PRKCA: variants seen among roughly 807,000 people sequenced by gnomAD.
PRKCA encodes the protein protein kinase C alpha type.
Under a neutral mutation model 87.0 loss-of-function variants are expected in PRKCA, and 27 were observed. The observed-to-expected ratio is 0.31, with a 90% CI of 0.23 to 0.43. The LOEUF (loss-of-function observed/expected upper bound fraction) is 0.43. Ranked by LOEUF, PRKCA falls within the 20% of genes least tolerant of loss-of-function variation. The pLI is 1.00. For synonymous variants in PRKCA, 329 were observed against 311.1 expected, an observed-to-expected ratio of 1.06 and a Z score of -0.61; for missense variants, 518 against 852.3, an observed-to-expected ratio of 0.61 and a Z score of 4.88.
intron 13 of PRKCA, among the ~76,000 whole-genome samples, chr17:66,751,382 C>A (rs960109138): frequency 6.6e-6 from 1 of 152,210 alleles, no homozygotes; most frequent in African/African-American, 2.4e-5. Context: ...CCGCCAGCCT[C>A]AGAGCACAGG....
intron 2 of PRKCA, 69 bp from the exon 3 acceptor site, chr17:66,496,132 T>G: frequency 8.1e-7 from 1 of 1,240,094 alleles, no homozygotes; most frequent in South Asian, 1.3e-5. Flanking sequence ...CAAGTATCTC[T>G]GTTTGGAAAA....
intron 4 of PRKCA, 65 bp downstream of exon 4, chr17:66,641,531 C>T (rs1047808893): frequency 8.3e-7 from 1 of 1,206,576 alleles, no homozygotes; most frequent in African/African-American, 1.5e-5. Flanking sequence ...GTTTGCTGAG[C>T]AAGGAAGGCT....
rs1394702783 is a variant in PRKCA, at chr17:66,509,970, G to T, written c.288+13687G>T. Among the ~76,000 whole-genome samples the T allele has an allele frequency of 2.0e-5, 3 of 152,256 alleles. No homozygotes were observed. In the South Asian group the frequency reaches 6.2e-4, roughly 32 times the overall value. On this transcript the variant is annotated intron_variant, in intron 3 of 16. Coordinates refer to ENST00000413366, the MANE Select transcript of PRKCA (RefSeq NM_002737.3). Reference sequence around the variant, plus strand: ...AATGAAAATAATTTCATAGACTTGAGTCAAGCTTGTCCAACCCACCTTATT... The same window carrying T: ...AATGAAAATAATTTCATAGACTTGATTCAAGCTTGTCCAACCCACCTTATT...
intron 2 of PRKCA, among the ~76,000 whole-genome samples, chr17:66,444,274 C>G (rs1405493816): frequency 6.6e-6 from 1 of 152,170 alleles, no homozygotes; most frequent in Non-Finnish European, 1.5e-5. Context: ...GTAGTCAAGG[C>G]ACTTCAGATA....
intron 3 of PRKCA, among the ~76,000 whole-genome samples, chr17:66,563,985 TCCTTCCTTCCTTCCTTCCTC>T (rs1289779093): frequency 2.1e-5 from 3 of 141,136 alleles, no homozygotes; most frequent in Non-Finnish European, 3.1e-5. Context: ...CTTCCTTCCT[TCCTTCCTTCCTTCCTTCCTC>T]CTTTCTTTCT....
intron 3 of PRKCA, among the ~76,000 whole-genome samples, chr17:66,628,754 G>T (rs1269165590): frequency 6.6e-6 from 1 of 152,292 alleles, no homozygotes; most frequent in African/African-American, 2.4e-5. Flanking sequence ...TTGGCTGGGC[G>T]CTGTGGCTCA....
chr17:66,455,899 T>C (rs922720931), intron 2 of PRKCA, among the ~76,000 whole-genome samples: 1 of 152,152 alleles, frequency 6.6e-6, no homozygotes, highest in African/African-American at 2.4e-5. Context: ...AAATTCATGC[T>C]CGTCCAGAAC....
In PRKCA at chr17:66,788,784, G is replaced by A. The variant is rs1975461191; in HGVS notation, c.1714-55G>A. 8 of 1,587,712 alleles carry A rather than the reference G, an allele frequency of 5.0e-6. No homozygotes were observed. The East Asian group carries it at 1.6e-4, about 31-fold the overall frequency. ...CAGAGCTAGGCAAATGGAAGGTGCTGTCTGTGGGAAGCCCTTGACATCCAT... is the reference window on the plus strand; with the variant it reads ...CAGAGCTAGGCAAATGGAAGGTGCTATCTGTGGGAAGCCCTTGACATCCAT... On this transcript the variant is annotated intron_variant, in intron 15 of 16. Transcript: ENST00000413366.
At chr17:66,377,745 G>T in intron 2 of PRKCA, among the ~76,000 whole-genome samples, 5 of 34,512 alleles carry the variant, frequency 1.4e-4, no homozygotes, top group Non-Finnish European at 1.3e-4. Context: ...TTTTTTTTGA[G>T]GCAGGACCTC....
intron 3 of PRKCA, among the ~76,000 whole-genome samples, chr17:66,617,700 G>A (rs1467801591): frequency 6.6e-6 from 1 of 152,080 alleles, no homozygotes; most frequent in Non-Finnish European, 1.5e-5. Context: ...AATTGAGTCA[G>A]CACTCCATAG....
intron 2 of PRKCA, among the ~76,000 whole-genome samples, chr17:66,367,623 G>A (rs1210115951): frequency 2.0e-5 from 3 of 152,122 alleles, no homozygotes; most frequent in Non-Finnish European, 4.4e-5. Flanking sequence ...GTCTCATCAG[G>A]TCTATTTTTC....
At chr17:66,340,366 CTT>C (rs60167119) in intron 2 of PRKCA, among the ~76,000 whole-genome samples, 45 of 124,162 alleles carry the variant, frequency 3.6e-4, no homozygotes, top group Middle Eastern at 4.1e-3. Context: ...TGTTTGGTTT[CTT>C]TTTTTTTTTT....
chr17:66,781,990 C>T (rs775370449), intron 14 of PRKCA, among the ~76,000 whole-genome samples: 21 of 151,238 alleles, frequency 1.4e-4, no homozygotes, highest in East Asian at 1.9e-4. Flanking sequence ...CTCGGCTCAC[C>T]GCAACCTCTG....
At chr17:66,373,938 G>C (rs1043545095) in intron 2 of PRKCA, among the ~76,000 whole-genome samples, 5 of 152,148 alleles carry the variant, frequency 3.3e-5, no homozygotes, top group Admixed American at 3.3e-4. Flanking sequence ...CCAGTGCACC[G>C]GTGATCAGCT....
At chr17:66,327,714 A>C (rs187920223) in intron 2 of PRKCA, among the ~76,000 whole-genome samples, 1 of 152,234 alleles carries the variant, frequency 6.6e-6, no homozygotes, top group African/African-American at 2.4e-5. Flanking sequence ...TGAAATTTGT[A>C]GTCATCAGAT....
In PRKCA at chr17:66,632,140, A is replaced by G. The variant is rs374653832; in HGVS notation, c.289-9215A>G. Among the ~76,000 whole-genome samples, 33 of 152,320 alleles carry G rather than the reference A, an allele frequency of 2.2e-4. No homozygotes were observed. The South Asian group carries it at 2.7e-3, about 12-fold the overall frequency. On this transcript the variant is annotated intron_variant, in intron 3 of 16. Transcript: ENST00000413366. ...TAGGCTTTTCCCCCAATGGTGTCTC[A>G]TGAAGCAGCCGGAATATAGCCAGTG... is the stretch of plus-strand genomic sequence containing the variant.
chr17:66,308,817 G>A (rs1006780542), intron 2 of PRKCA, among the ~76,000 whole-genome samples: 38 of 152,172 alleles, frequency 2.5e-4, no homozygotes, highest in African/African-American at 8.7e-4. Context: ...GGCTCCTACC[G>A]CAAAATTAAT....
intron 13 of PRKCA, among the ~76,000 whole-genome samples, chr17:66,757,109 G>A (rs546410958): frequency 6.6e-6 from 1 of 152,158 alleles, no homozygotes; most frequent in African/African-American, 2.4e-5. Flanking sequence ...TACTGGAGCA[G>A]AAATGAAGAA....
rs960017192 is a variant in PRKCA, at chr17:66,706,228, A to G, written c.918+17181A>G. ...CAAATTCAGTCTCCTGTGGTCGTAA[A>G]GACAGCAAGGATAGACTTCATCACC... On this transcript the variant is annotated intron_variant, in intron 8 of 16. Transcript: ENST00000413366. Among the ~76,000 whole-genome samples the G allele has an allele frequency of 1.1e-4, 17 of 152,238 alleles. 1 individual carries two copies. Among genetic ancestry groups the G allele is most frequent in the African/African-American group, 3.9e-4 (16 of 41,468 alleles).
Sources: allele counts gnomAD v4.1 joint callset (sites outside exome capture counted in the v4.1 genomes callset), GRCh38; gene constraint gnomAD v4.1.1; transcripts MANE v1.5; gene names NCBI Gene and HGNC (gene_info 2026-07-23, HGNC 2026-07-21).